CNTNAP5: variants seen among roughly 807,000 people sequenced by gnomAD.
CNTNAP5 encodes the protein contactin associated protein family member 5.
A neutral mutation model predicts 150.2 loss-of-function variants in CNTNAP5; 72 were observed. The observed-to-expected ratio is 0.48, with a 90% CI of 0.40 to 0.58. CNTNAP5 has a LOEUF of 0.58. Among genes scored for constraint, CNTNAP5 ranks in the 20% least tolerant of loss-of-function variants. CNTNAP5 has a pLI of 0.00. For synonymous variants in CNTNAP5, 672 were observed against 619.8 expected, an observed-to-expected ratio of 1.08 and a Z score of -1.25; for missense variants, 1,636 against 1,626.2, an observed-to-expected ratio of 1.01 and a Z score of -0.10.
intron 10 of CNTNAP5, among the ~76,000 whole-genome samples, chr2:124,557,217 T>C (rs1573456958): frequency 6.6e-6 from 1 of 152,148 alleles, no homozygotes. Context: ...ATTTATGGTC[T>C]CTATCTTACT....
At chr2:124,121,915 A>G (rs572838973) in intron 1 of CNTNAP5, among the ~76,000 whole-genome samples, 19 of 152,236 alleles carry the variant, frequency 1.2e-4, no homozygotes, top group African/African-American at 2.2e-4. Context: ...GAACTGTACA[A>G]GACAGATGCA....
At chr2:124,403,686 C>T (rs190622089) in intron 3 of CNTNAP5, among the ~76,000 whole-genome samples, 61 of 152,212 alleles carry the variant, frequency 4.0e-4, no homozygotes, top group Non-Finnish European at 7.2e-4. Flanking sequence ...AATTACAGTC[C>T]GGGTGCCTTG....
intron 13 of CNTNAP5, among the ~76,000 whole-genome samples, chr2:124,729,877 A>T (rs909381671): frequency 6.6e-6 from 1 of 152,024 alleles, no homozygotes; most frequent in Non-Finnish European, 1.5e-5. Context: ...TTCTAATTTG[A>T]TTCTAGACTT....
At chr2:124,655,501 TTA>T (rs1678424263) in intron 13 of CNTNAP5, among the ~76,000 whole-genome samples, 1 of 151,370 alleles carries the variant, frequency 6.6e-6, no homozygotes, top group South Asian at 2.1e-4. Flanking sequence ...ATCCTTTGGG[TTA>T]TATACCCAGT....
chr2:124,169,215 T>A (rs1684875911), intron 1 of CNTNAP5, among the ~76,000 whole-genome samples: 2 of 152,164 alleles, frequency 1.3e-5, no homozygotes, highest in Admixed American at 1.3e-4. Flanking sequence ...GGGCTGCTTT[T>A]TCTTTTCATA....
At chr2:124,134,212 GGACC>G (rs1357762141) in intron 1 of CNTNAP5, among the ~76,000 whole-genome samples, 1 of 152,030 alleles carries the variant, frequency 6.6e-6, no homozygotes, top group East Asian at 1.9e-4. Flanking sequence ...TCGTTCCACT[GGACC>G]ATTAGTTGCC....
intron 3 of CNTNAP5, among the ~76,000 whole-genome samples, chr2:124,376,871 C>A (rs1340066483): frequency 6.6e-6 from 1 of 151,916 alleles, no homozygotes; most frequent in Non-Finnish European, 1.5e-5. Context: ...TTTCACGCAC[C>A]AGAGAAGTAC....
chr2:124,134,086 C>T (rs1230509631), intron 1 of CNTNAP5, among the ~76,000 whole-genome samples: 1 of 152,030 alleles, frequency 6.6e-6, no homozygotes, highest in Non-Finnish European at 1.5e-5. Flanking sequence ...ACGTGTCACC[C>T]AAGCACATTT....
At chr2:124,855,377 C>T (rs979480917) in intron 19 of CNTNAP5, among the ~76,000 whole-genome samples, 1 of 151,932 alleles carries the variant, frequency 6.6e-6, no homozygotes, top group Admixed American at 6.6e-5. Context: ...AGGGTTTCGC[C>T]ATGTTGGTCA....
intron 13 of CNTNAP5, among the ~76,000 whole-genome samples, chr2:124,745,333 C>T (rs1157456923): frequency 6.6e-6 from 1 of 152,060 alleles, no homozygotes; most frequent in Non-Finnish European, 1.5e-5. Context: ...AGAGTAGAGG[C>T]CTGGGCTGTT....
chr2:124,419,900 C>CTTTCTTTCTTTT (rs1692041175), intron 4 of CNTNAP5, among the ~76,000 whole-genome samples: 1 of 82,254 alleles, frequency 1.2e-5, no homozygotes, highest in East Asian at 3.2e-4. Flanking sequence ...GATTGGTTTT[C>CTTTCTTTCTTTT]TTTCTTTCTT....
intron 12 of CNTNAP5, among the ~76,000 whole-genome samples, chr2:124,611,076 A>C (rs1159580251): frequency 1.3e-5 from 2 of 152,024 alleles, no homozygotes; most frequent in East Asian, 3.9e-4. Flanking sequence ...TGCCAGCTGC[A>C]TCATGTAATG....
At chr2:124,500,492 G>A (rs59080079) in intron 7 of CNTNAP5, among the ~76,000 whole-genome samples, 6,072 of 152,202 alleles carry the variant, frequency 0.04, 140 homozygotes, top group Non-Finnish European at 0.042. Context: ...CCCAACAGGA[G>A]CTTTGTTGAA....
At chr2:124,365,365 C>T (rs1004698391) in intron 3 of CNTNAP5, among the ~76,000 whole-genome samples, 1 of 150,890 alleles carries the variant, frequency 6.6e-6, no homozygotes, top group Non-Finnish European at 1.5e-5. Flanking sequence ...GGGAAGAATA[C>T]TTGCGGGAAT....
At chr2:124,180,207 T>G (rs1181450947) in intron 1 of CNTNAP5, among the ~76,000 whole-genome samples, 1 of 152,194 alleles carries the variant, frequency 6.6e-6, no homozygotes, top group African/African-American at 2.4e-5. Flanking sequence ...CTGAGATGAC[T>G]TCCATCACAG....
chr2:124,239,582 C>CA (rs1686835560), intron 2 of CNTNAP5, among the ~76,000 whole-genome samples: 1 of 151,916 alleles, frequency 6.6e-6, no homozygotes. Flanking sequence ...ATGTTATATG[C>CA]AAAAATCAGA....
At chr2:124,154,419 A>C (rs975392652) in intron 1 of CNTNAP5, among the ~76,000 whole-genome samples, 9 of 152,134 alleles carry the variant, frequency 5.9e-5, no homozygotes, top group South Asian at 2.1e-4. Context: ...AGGTGGAATG[A>C]GAGCCAATTC....
intron 18 of CNTNAP5, among the ~76,000 whole-genome samples, chr2:124,796,407 A>G: frequency 6.6e-6 from 1 of 152,184 alleles, no homozygotes; most frequent in Non-Finnish European, 1.5e-5. Context: ...ATCCCTGAGT[A>G]AATTTACTCA....
rs147052115 is a variant in CNTNAP5, at chr2:124,434,465, G to A, written c.530-19G>A. ...GAATATGCACTAATTTTTCTTTCCC[G>A]CTCCTTCTTTGTTCCCAGAATCAGA... On this transcript the variant is annotated intron_variant, in intron 4 of 23. Transcript: ENST00000682447. 4,935 of 1,600,732 alleles carry A rather than the reference G, an allele frequency of 3.1e-3. 13 individuals are homozygous for A. Among genetic ancestry groups the A allele is most frequent in the Non-Finnish European group, 4.0e-3 (4,627 of 1,167,908 alleles).
Sources: gnomAD v4.1 joint callset for allele counts (sites outside exome capture counted in the v4.1 genomes callset) on GRCh38, gnomAD v4.1.1 for gene constraint, MANE v1.5 for transcripts, NCBI Gene and HGNC (gene_info 2026-07-23, HGNC 2026-07-21) for gene names.